SLC35E4: variants seen among roughly 807,000 people sequenced by gnomAD.
SLC35E4 encodes the protein solute carrier family 35, member E4.
In SLC35E4, 15 loss-of-function variants were observed where a neutral mutation model predicts 19.3. That is an observed-to-expected ratio of 0.78 (90% CI 0.52 to 1.20). The LOEUF is 1.20. SLC35E4 is among the 50% of genes most tolerant of loss of function. The pLI is 0.00. For synonymous variants in SLC35E4, 219 were observed against 219.9 expected, an observed-to-expected ratio of 1.00 and a Z score of 0.04; for missense variants, 406 against 472.3, an observed-to-expected ratio of 0.86 and a Z score of 1.30.
chr22:30,646,902 T>C lies in SLC35E4; in HGVS notation c.924T>C (p.Ser308=), dbSNP rs772507990. 5.0e-6 allele frequency: 8 copies of C among 1,614,128 alleles called. No individual in the cohort carries two copies. The change falls in exon 2 of 2, where the codon AGT becomes AGC. Residue 308 remains serine, a synonymous_variant. Transcript: ENST00000343605. ...LSRLLFGSRL[S]ALSYVGIALT... is the part of the protein sequence containing the mutation. ...GGCTGTTGTTTGGCAGCCGCCTCAG[T>C]GCCCTCAGCTACGTGGGCATCGCAC...
chr22:30,665,517 A>G (rs758780059), downstream of SLC35E4: 7 of 471,056 alleles, frequency 1.5e-5, no homozygotes, highest in Non-Finnish European at 3.1e-5. Context: ...CATTCAGCAG[A>G]GGACTGCAGA....
chr22:30,660,356 A>T (rs766526), intron 2 of SLC35E4, among the ~76,000 whole-genome samples: 96,512 of 151,832 alleles, frequency 0.64, 31,714 homozygotes, highest in East Asian at 0.81. Context: ...CAGGCTGGAG[A>T]GCAGAGGCAC....
At position 30,653,977 on chromosome 22, in the gene SLC35E4, G is replaced by GTT. The variant is rs1316985664; in HGVS notation, c.*8+4730_*8+4731dup. ...TTTCTGTAGCCTCATTAGCTGTTTT[G>GTT]TTTTTTTGTTTTTTTTTTTTGAGAC... On this transcript the variant is annotated intron_variant, in intron 2 of 2. Coordinates refer to the SLC35E4 transcript ENST00000406566. 3.0e-4 allele frequency: 45 copies of GTT among 149,760 alleles called. 1 individual carries two copies. Among genetic ancestry groups the GTT allele is most frequent in the East Asian group, 2.5e-3 (14 of 5,588 alleles). 9.3% of individuals were successfully genotyped at this position (149,760 alleles called of 1,614,324 possible).
At chr22:30,637,161 T>TG in intron 1 of SLC35E4, 92 bp downstream of exon 1, 1 of 1,484,786 alleles carries the variant, frequency 6.7e-7, no homozygotes. Context: ...TTGTCCCATT[T>TG]TACAAATGAG....
chr22:30,654,020 C>T (rs2088282322), intron 2 of SLC35E4: 1 of 153,644 alleles, frequency 6.5e-6, no homozygotes, highest in East Asian at 1.9e-4. Context: ...CACTCTGTCG[C>T]CCAGGCTGGA....
chr22:30,637,920 G>A (rs1291021134), intron 1 of SLC35E4, among the ~76,000 whole-genome samples: 1 of 152,218 alleles, frequency 6.6e-6, no homozygotes, highest in Non-Finnish European at 1.5e-5. Flanking sequence ...GATTTGGAAG[G>A]TCAGGGGTCA....
chr22:30,660,541 T>C (rs1002481254), intron 2 of SLC35E4, among the ~76,000 whole-genome samples: 2 of 152,198 alleles, frequency 1.3e-5, no homozygotes, highest in South Asian at 2.1e-4. Flanking sequence ...CTAACATTCA[T>C]GTTATCAATG....
chr22:30,655,064 A>G (rs2088307035), intron 2 of SLC35E4, among the ~76,000 whole-genome samples: 1 of 152,026 alleles, frequency 6.6e-6, no homozygotes, highest in Non-Finnish European at 1.5e-5. Flanking sequence ...GGGTTCTGCT[A>G]TTCTCTGCTC....
exon 3 of SLC35E4, chr22:30,662,913 G>A (rs1382645575): frequency 6.5e-6 from 1 of 154,108 alleles, no homozygotes; most frequent in African/African-American, 2.4e-5. Context: ...AACCAGAACT[G>A]GGCCACTTAT....
intron 1 of SLC35E4, among the ~76,000 whole-genome samples, chr22:30,638,358 C>G (rs372719963): frequency 1.3e-5 from 2 of 151,340 alleles, no homozygotes; most frequent in East Asian, 1.9e-4. Flanking sequence ...AAAAATTAAC[C>G]GGGCGCCATG....
chr22:30,638,028 T>G (rs1199106102), intron 1 of SLC35E4, among the ~76,000 whole-genome samples: 1 of 152,096 alleles, frequency 6.6e-6, no homozygotes, highest in Non-Finnish European at 1.5e-5. Flanking sequence ...ACCACCAACT[T>G]TATCCCCATT....
At chr22:30,649,436 A>G (rs2044287090), downstream of SLC35E4, among the ~76,000 whole-genome samples, 3 of 152,184 alleles carry the variant, frequency 2.0e-5, no homozygotes, top group Admixed American at 2.0e-4. Context: ...TTCGTAAGGG[A>G]CCACAGTGCC....
At chr22:30,663,371 G>A, downstream of SLC35E4, 1 of 1,468,728 alleles carries the variant, frequency 6.8e-7, no homozygotes, top group Non-Finnish European at 9.2e-7. Flanking sequence ...TTCAAGTTTG[G>A]ATCTTGGTGT....
downstream of SLC35E4, chr22:30,664,012 T>C (rs1031088302): frequency 9.3e-6 from 15 of 1,607,740 alleles, no homozygotes; most frequent in Non-Finnish European, 1.2e-5. Context: ...ATCAAGGCGG[T>C]GGGTCAGTGG....
chr22:30,654,720 G>C (rs890705452), intron 2 of SLC35E4: 11 of 338,584 alleles, frequency 3.2e-5, no homozygotes, highest in Non-Finnish European at 6.3e-5. Flanking sequence ...CGCAGTGTAC[G>C]ACCACCACCT....
downstream of SLC35E4, among the ~76,000 whole-genome samples, chr22:30,651,407 A>G (rs1198002545): frequency 4.8e-3 from 293 of 60,472 alleles, 4 homozygotes; most frequent in African/African-American, 0.02. Flanking sequence ...GTGTATATAT[A>G]TATATATATA....
intron 1 of SLC35E4, among the ~76,000 whole-genome samples, chr22:30,645,595 CAAA>C (rs1157239877): frequency 0.038 from 3,133 of 82,166 alleles, 99 homozygotes; most frequent in East Asian, 0.29. Context: ...ACTCTGTCTC[CAAA>C]AAAAAAAAAA....
At chr22:30,638,436 A>C (rs919149780) in intron 1 of SLC35E4, among the ~76,000 whole-genome samples, 2 of 139,214 alleles carry the variant, frequency 1.4e-5, no homozygotes, top group Non-Finnish European at 3.0e-5. Context: ...CGGGTGGCAG[A>C]GGTTGCAGTG....
chr22:30,646,038 A>G (rs1221173268), intron 1 of SLC35E4, among the ~76,000 whole-genome samples: 3 of 150,320 alleles, frequency 2.0e-5, no homozygotes, highest in Non-Finnish European at 4.4e-5. Context: ...GCAGGTCTCA[A>G]ACTCCTGGGC....
Sources: allele counts gnomAD v4.1 joint callset (sites outside exome capture counted in the v4.1 genomes callset), GRCh38; gene constraint gnomAD v4.1.1; transcripts MANE v1.5; gene names NCBI Gene and HGNC (gene_info 2026-07-23, HGNC 2026-07-21).